The following FYB2 variants were observed in gnomAD, a reference collection of about 807,000 sequenced individuals.
The protein encoded by FYB2 is FYN binding protein 2.
Under a neutral mutation model 94.1 loss-of-function variants are expected in FYB2, and 103 were observed. That is an observed-to-expected ratio of 1.09 (90% CI 0.93 to 1.29). The LOEUF (loss-of-function observed/expected upper bound fraction) is 1.29, where lower values mean the gene tolerates loss of function less well. Among genes scored for constraint, FYB2 ranks in the 50% most tolerant of loss-of-function variants. FYB2 has a pLI of 0.00. For synonymous variants in FYB2, 293 were observed against 287.9 expected, an observed-to-expected ratio of 1.02 and a Z score of -0.18; for missense variants, 896 against 841.5, an observed-to-expected ratio of 1.06 and a Z score of -0.80.
chr1:56,804,125 A>G (rs924156055), intron 1 of FYB2, among the ~76,000 whole-genome samples: 1 of 152,136 alleles, frequency 6.6e-6, no homozygotes, highest in East Asian at 1.9e-4. Flanking sequence ...TCATCTGCAA[A>G]TCTCTTTTGG....
At chr1:56,812,504 G>T (rs1646789212) in intron 1 of FYB2, among the ~76,000 whole-genome samples, 1 of 152,120 alleles carries the variant, frequency 6.6e-6, no homozygotes, top group South Asian at 2.1e-4. Flanking sequence ...CCAGTATTAT[G>T]ATACAAAATT....
At chr1:56,784,571 A>G (rs1434887984) in intron 4 of FYB2, among the ~76,000 whole-genome samples, 3 of 152,152 alleles carry the variant, frequency 2.0e-5, no homozygotes, top group Non-Finnish European at 4.4e-5. Context: ...TCAACTTTTT[A>G]CCATGGCACT....
At chr1:56,728,037 G>T (rs1207280610) in intron 15 of FYB2, among the ~76,000 whole-genome samples, 1 of 152,002 alleles carries the variant, frequency 6.6e-6, no homozygotes, top group African/African-American at 2.4e-5. Context: ...AAGAGAAAAA[G>T]AATTTATTCC....
chr1:56,736,284 A>G (rs890520348), intron 15 of FYB2, among the ~76,000 whole-genome samples: 11 of 152,176 alleles, frequency 7.2e-5, no homozygotes, highest in African/African-American at 2.2e-4. Flanking sequence ...GTTCAATTGT[A>G]TAATAGGAAA....
intron 1 of FYB2, among the ~76,000 whole-genome samples, chr1:56,816,130 G>C (rs900984533): frequency 5.9e-5 from 9 of 152,182 alleles, no homozygotes; most frequent in Non-Finnish European, 1.0e-4. Context: ...AAAACTGAGT[G>C]GCCTAAAACA....
intron 9 of FYB2, among the ~76,000 whole-genome samples, chr1:56,746,118 T>C (rs1486785887): frequency 3.9e-5 from 6 of 152,028 alleles, no homozygotes; most frequent in Admixed American, 3.9e-4. Context: ...TCAATATAGA[T>C]CTTTTATTAT....
chr1:56,729,067 A>G (rs1327641500), intron 15 of FYB2, among the ~76,000 whole-genome samples: 2 of 152,160 alleles, frequency 1.3e-5, no homozygotes, highest in Non-Finnish European at 2.9e-5. Context: ...AGCAGGAAGA[A>G]CAGGCGAGGC....
At chr1:56,742,039 T>G (rs1644965828) in intron 12 of FYB2, 122 bp downstream of exon 12, 3 of 708,778 alleles carry the variant, frequency 4.2e-6, no homozygotes, top group East Asian at 2.7e-5. Context: ...TAAAAGATGA[T>G]GATGGGAGTC....
chr1:56,805,498 G>A (rs1646623962), intron 1 of FYB2, among the ~76,000 whole-genome samples: 2 of 152,162 alleles, frequency 1.3e-5, no homozygotes, highest in Non-Finnish European at 2.9e-5. Flanking sequence ...TGGCTTCTGA[G>A]CTGTGCCCCC....
At chr1:56,762,832 C>T (rs1390618661) in intron 5 of FYB2, among the ~76,000 whole-genome samples, 3 of 152,170 alleles carry the variant, frequency 2.0e-5, no homozygotes, top group Non-Finnish European at 4.4e-5. Context: ...AGGGGAAAAG[C>T]ATTCAGTGTT....
upstream of FYB2, among the ~76,000 whole-genome samples, chr1:56,820,593 G>T (rs567105582): frequency 6.6e-6 from 1 of 152,168 alleles, no homozygotes; most frequent in African/African-American, 2.4e-5. Context: ...AGGAGACCCC[G>T]CCTGAGGGCC....
intron 1 of FYB2, among the ~76,000 whole-genome samples, chr1:56,804,860 A>G (rs1173154484): frequency 2.0e-5 from 3 of 152,158 alleles, no homozygotes; most frequent in South Asian, 2.1e-4. Flanking sequence ...AGCCAAACAC[A>G]TAAGGTCTTC....
At chr1:56,729,085 T>C (rs988245738) in intron 15 of FYB2, among the ~76,000 whole-genome samples, 10 of 152,112 alleles carry the variant, frequency 6.6e-5, no homozygotes, top group African/African-American at 2.4e-4. Flanking sequence ...GGCTAAGAGG[T>C]TGCCAGGGGC....
chr1:56,749,124 T>C (rs987453942), intron 9 of FYB2, among the ~76,000 whole-genome samples: 1 of 151,836 alleles, frequency 6.6e-6, no homozygotes, highest in African/African-American at 2.4e-5. Context: ...GATATTCTCT[T>C]ATTCTTTAAT....
intron 1 of FYB2, among the ~76,000 whole-genome samples, chr1:56,808,248 T>C (rs112555126): frequency 0.017 from 2,631 of 152,238 alleles, 92 homozygotes; most frequent in African/African-American, 0.06. Flanking sequence ...ACCAAAGAGC[T>C]AGTAAATAGC....
chr1:56,789,272 C>A (rs543759360), intron 2 of FYB2, 138 bp from the exon 3 acceptor site: 1 of 956,406 alleles, frequency 1.0e-6, no homozygotes, highest in African/African-American at 1.7e-5. Flanking sequence ...CTGATCAATA[C>A]ATAAACCTGA....
At chr1:56,793,508 A>C (rs1171492809) in intron 1 of FYB2, among the ~76,000 whole-genome samples, 1 of 152,164 alleles carries the variant, frequency 6.6e-6, no homozygotes, top group Non-Finnish European at 1.5e-5. Context: ...TCTCACTTAC[A>C]AGTAGGAGCT....
intron 15 of FYB2, among the ~76,000 whole-genome samples, chr1:56,733,899 G>A (rs939382729): frequency 6.6e-6 from 1 of 152,098 alleles, no homozygotes; most frequent in Admixed American, 6.6e-5. Context: ...GTTGATTTGG[G>A]GTGGAGAGTT....
At chr1:56,821,316 T>C (rs1193275731), upstream of FYB2, among the ~76,000 whole-genome samples, 1 of 152,146 alleles carries the variant, frequency 6.6e-6, no homozygotes, top group Non-Finnish European at 1.5e-5. Context: ...GCATTTTGCT[T>C]TGGTTTCTGG....
Sources: allele counts gnomAD v4.1 joint callset (sites outside exome capture counted in the v4.1 genomes callset), GRCh38; gene constraint gnomAD v4.1.1; transcripts MANE v1.5; gene names NCBI Gene and HGNC (gene_info 2026-07-23, HGNC 2026-07-21).